KCNH5: variants seen among roughly 807,000 people sequenced by gnomAD.
The protein encoded by KCNH5 is voltage-gated delayed rectifier potassium channel KCNH5.
In KCNH5, 46 loss-of-function variants were observed where a neutral mutation model predicts 96.1. That is an observed-to-expected ratio of 0.48 (90% CI 0.38 to 0.61). The LOEUF (loss-of-function observed/expected upper bound fraction) is 0.61, where lower values mean the gene tolerates loss of function less well. Among genes scored for constraint, KCNH5 ranks in the 20% least tolerant of loss-of-function variants. KCNH5 has a pLI of 0.00. For synonymous variants in KCNH5, 439 were observed against 449.8 expected (o/e 0.98, Z 0.30); for missense variants, 907 against 1,225.8 (o/e 0.74, Z 3.88).
intron 10 of KCNH5, among the ~76,000 whole-genome samples, chr14:62,722,485 T>C (rs969476882): frequency 3.4e-4 from 51 of 152,122 alleles, no homozygotes; most frequent in Admixed American, 3.1e-3. Flanking sequence ...CCAAGGTTCA[T>C]TGGACTTAAG....
intron 7 of KCNH5, among the ~76,000 whole-genome samples, chr14:62,914,248 G>C (rs537382588): frequency 6.6e-6 from 1 of 152,276 alleles, no homozygotes; most frequent in East Asian, 1.9e-4. Context: ...TTGGCCTAAT[G>C]TAGTCTGAGA....
chr14:62,922,475 C>A (rs1889397765), intron 7 of KCNH5, among the ~76,000 whole-genome samples: 1 of 151,712 alleles, frequency 6.6e-6, no homozygotes, highest in Non-Finnish European at 1.5e-5. Context: ...AGAATAAAAC[C>A]AAAGCACATT....
chr14:62,934,195 G>A (rs930091293), intron 7 of KCNH5, among the ~76,000 whole-genome samples: 1 of 149,814 alleles, frequency 6.7e-6, no homozygotes, highest in Admixed American at 6.6e-5. Context: ...GCAGTGGCAT[G>A]ATCTCACTGC....
chr14:62,715,838 G>A (rs1884673407), intron 10 of KCNH5, among the ~76,000 whole-genome samples: 1 of 152,132 alleles, frequency 6.6e-6, no homozygotes, highest in Admixed American at 6.5e-5. Flanking sequence ...GAGGAAGGGA[G>A]GGAGGGACTG....
intron 10 of KCNH5, among the ~76,000 whole-genome samples, chr14:62,714,673 G>C (rs1884645839): frequency 6.6e-6 from 1 of 152,096 alleles, no homozygotes; most frequent in Non-Finnish European, 1.5e-5. Context: ...AAGTGTTAAA[G>C]GATTTGAGTT....
intron 6 of KCNH5, among the ~76,000 whole-genome samples, chr14:62,976,689 C>T (rs1409855523): frequency 1.3e-5 from 2 of 152,076 alleles, no homozygotes; most frequent in Non-Finnish European, 2.9e-5. Flanking sequence ...GAAAATAGGT[C>T]ACATGTAAAG....
At chr14:62,775,739 C>T (rs2139970909) in intron 10 of KCNH5, among the ~76,000 whole-genome samples, 1 of 152,316 alleles carries the variant, frequency 6.6e-6, no homozygotes, top group East Asian at 1.9e-4. Context: ...CTGTTGTCCC[C>T]ATTTAACTTC....
chr14:62,926,306 ATTTAGT>A (rs1227743209), intron 7 of KCNH5, among the ~76,000 whole-genome samples: 2 of 152,114 alleles, frequency 1.3e-5, no homozygotes, highest in Non-Finnish European at 2.9e-5. Context: ...ACTATGTTGG[ATTTAGT>A]TTAAAAAGCT....
chr14:62,788,469 G>A (rs1007571237), intron 9 of KCNH5, among the ~76,000 whole-genome samples: 1 of 152,142 alleles, frequency 6.6e-6, no homozygotes. Context: ...ACTTATACTA[G>A]TTCATAAACT....
intron 8 of KCNH5, among the ~76,000 whole-genome samples, chr14:62,821,980 T>A (rs1356138882): frequency 6.6e-6 from 1 of 152,132 alleles, no homozygotes; most frequent in Non-Finnish European, 1.5e-5. Flanking sequence ...TAAAGCATAA[T>A]AATGAACATG....
intron 9 of KCNH5, among the ~76,000 whole-genome samples, chr14:62,796,424 GCT>G (rs1282003413): frequency 1.3e-5 from 2 of 152,136 alleles, no homozygotes; most frequent in Non-Finnish European, 2.9e-5. Flanking sequence ...CCTCATTTAT[GCT>G]CTTTTTCCCA....
intron 10 of KCNH5, among the ~76,000 whole-genome samples, chr14:62,725,490 T>C (rs1884906454): frequency 6.6e-6 from 1 of 152,202 alleles, no homozygotes; most frequent in Admixed American, 6.5e-5. Flanking sequence ...AGATAATCTC[T>C]GAAGAGACAA....
At chr14:62,709,401 A>G (rs1884521977) in intron 10 of KCNH5, among the ~76,000 whole-genome samples, 1 of 152,138 alleles carries the variant, frequency 6.6e-6, no homozygotes, top group African/African-American at 2.4e-5. Flanking sequence ...CAGAACTAGA[A>G]TTTGTGAGGA....
At chr14:62,939,598 A>C (rs1403045118) in intron 7 of KCNH5, among the ~76,000 whole-genome samples, 1 of 152,182 alleles carries the variant, frequency 6.6e-6, no homozygotes, top group African/African-American at 2.4e-5. Flanking sequence ...GTCCTTCTAA[A>C]ATACCCCACA....
At chr14:62,846,575 T>G (rs527718981) in intron 8 of KCNH5, among the ~76,000 whole-genome samples, 83 of 151,870 alleles carry the variant, frequency 5.5e-4, no homozygotes, top group African/African-American at 1.9e-3. Flanking sequence ...AAGACCCTTA[T>G]AAATATTTTC....
At chr14:62,725,445 A>G (rs1884905346) in intron 10 of KCNH5, among the ~76,000 whole-genome samples, 1 of 152,218 alleles carries the variant, frequency 6.6e-6, no homozygotes, top group East Asian at 1.9e-4. Flanking sequence ...CCTTTGGCCC[A>G]GTTGAAACTC....
At chr14:62,943,089 T>C (rs1357654472) in intron 7 of KCNH5, among the ~76,000 whole-genome samples, 1 of 152,138 alleles carries the variant, frequency 6.6e-6, no homozygotes, top group Non-Finnish European at 1.5e-5. Context: ...GAGAAAAAAA[T>C]TATGGTTGAA....
intron 1 of KCNH5, among the ~76,000 whole-genome samples, chr14:63,021,925 A>G (rs1030729603): frequency 1.3e-5 from 2 of 152,140 alleles, no homozygotes; most frequent in African/African-American, 4.8e-5. Flanking sequence ...TTCTTTACCA[A>G]TAAGTAGACA....
chr14:63,039,511 G>GA (rs1471210469), intron 1 of KCNH5, among the ~76,000 whole-genome samples: 8 of 152,022 alleles, frequency 5.3e-5, no homozygotes, highest in South Asian at 4.1e-4. Flanking sequence ...GTCTCATAGA[G>GA]AAAAAATCTG....
Sources: gnomAD v4.1 joint callset for allele counts (sites outside exome capture counted in the v4.1 genomes callset) on GRCh38, gnomAD v4.1.1 for gene constraint, MANE v1.5 for transcripts, NCBI Gene and HGNC (gene_info 2026-07-23, HGNC 2026-07-21) for gene names.